The following ANKRD17 variants were observed in gnomAD, a reference collection of about 807,000 sequenced individuals.
ANKRD17 encodes the protein ankyrin repeat domain 17, also known as ankyrin repeat domain-containing protein 17.
ANKRD17 carries 19 observed loss-of-function variants against 229.7 expected under a neutral mutation model. The observed-to-expected ratio is 0.08, with a 90% CI of 0.06 to 0.12. The LOEUF (loss-of-function observed/expected upper bound fraction) is 0.12, where lower values mean the gene tolerates loss of function less well. ANKRD17 is among the 10% of genes least tolerant of loss of function. The probability of loss-of-function intolerance (pLI) is 1.00; values close to 1 mark genes in which losing one functional copy is unlikely to be tolerated. For missense variants in ANKRD17, 2,176 were observed against 3,176.8 expected (o/e 0.68, Z 7.57); for synonymous variants, 1,112 against 1,146.1 (o/e 0.97, Z 0.60).
intron 3 of ANKRD17, among the ~76,000 whole-genome samples, chr4:73,160,319 A>G (rs1173234171): frequency 6.7e-6 from 1 of 148,686 alleles, no homozygotes. Context: ...CCCAGGTTCA[A>G]GCGATTCTCC....
At chr4:73,112,601 G>T in intron 24 of ANKRD17, 1 of 510,322 alleles carries the variant, frequency 2.0e-6, no homozygotes, top group Non-Finnish European at 2.5e-6. Flanking sequence ...ATTTAAATTA[G>T]AATAAAGTAC....
intron 22 of ANKRD17, among the ~76,000 whole-genome samples, chr4:73,117,852 C>G (rs547144672): frequency 6.6e-6 from 1 of 152,284 alleles, no homozygotes; most frequent in East Asian, 1.9e-4. Flanking sequence ...TACTTACACA[C>G]AGCTCTGTGC....
intron 16 of ANKRD17, among the ~76,000 whole-genome samples, chr4:73,127,964 G>A (rs1369776834): frequency 6.6e-6 from 1 of 152,228 alleles, no homozygotes; most frequent in Non-Finnish European, 1.5e-5. Flanking sequence ...GACGGCAAAA[G>A]CTGCTCTGCA....
intron 1 of ANKRD17, among the ~76,000 whole-genome samples, chr4:73,178,409 T>A (rs904258383): frequency 6.6e-6 from 1 of 152,176 alleles, no homozygotes; most frequent in African/African-American, 2.4e-5. Flanking sequence ...GAACATGCAT[T>A]CAAAAGGGGA....
intron 1 of ANKRD17, among the ~76,000 whole-genome samples, chr4:73,204,358 C>CAAAAAA (rs374000000): frequency 4.6e-3 from 267 of 57,676 alleles, no homozygotes; most frequent in Non-Finnish European, 6.0e-3. Flanking sequence ...GAGACTCCGT[C>CAAAAAA]AAAAAAAAAA....
intron 1 of ANKRD17, among the ~76,000 whole-genome samples, chr4:73,245,287 CA>C (rs1560782483): frequency 1.3e-5 from 2 of 152,174 alleles, no homozygotes; most frequent in Non-Finnish European, 2.9e-5. Flanking sequence ...ATTATTCAGT[CA>C]AATGCTAATC....
At chr4:73,205,877 C>T (rs1313180116) in intron 1 of ANKRD17, among the ~76,000 whole-genome samples, 1 of 152,032 alleles carries the variant, frequency 6.6e-6, no homozygotes, top group African/African-American at 2.4e-5. Flanking sequence ...ACATAAAAAT[C>T]TTAGTGGCAA....
chr4:73,099,156 T>C (rs1164089261), intron 25 of ANKRD17: 2 of 682,472 alleles, frequency 2.9e-6, no homozygotes, highest in Non-Finnish European at 5.5e-6. Context: ...CCGTGTGTGC[T>C]GCCTGTGCCT....
chr4:73,100,223 A>C (rs1723802701), intron 25 of ANKRD17, among the ~76,000 whole-genome samples: 1 of 151,598 alleles, frequency 6.6e-6, no homozygotes, highest in Non-Finnish European at 1.5e-5. Flanking sequence ...CCCCTAAGAT[A>C]CTCTTTGTGG....
intron 30 of ANKRD17, among the ~76,000 whole-genome samples, chr4:73,079,402 G>GT (rs1461640765): frequency 1.3e-5 from 2 of 151,954 alleles, no homozygotes; most frequent in African/African-American, 2.4e-5. Flanking sequence ...TTTTATTTAT[G>GT]TATTTTTGGA....
At chr4:73,125,381 C>T in intron 16 of ANKRD17, 69 bp from the exon 17 acceptor site, 1 of 1,052,500 alleles carries the variant, frequency 9.5e-7, no homozygotes, top group Non-Finnish European at 1.4e-6. Context: ...ACATAATATG[C>T]AAACATATCA....
chr4:73,167,079 T>C (rs1486518893), intron 2 of ANKRD17, among the ~76,000 whole-genome samples: 1 of 152,144 alleles, frequency 6.6e-6, no homozygotes, highest in Non-Finnish European at 1.5e-5. Flanking sequence ...TATGAAATGG[T>C]ATGGTGCTTA....
chr4:73,107,981 T>C (rs1325746747), intron 24 of ANKRD17, among the ~76,000 whole-genome samples: 2 of 152,134 alleles, frequency 1.3e-5, no homozygotes, highest in African/African-American at 4.8e-5. Flanking sequence ...GTTTGAACCA[T>C]GGTGAGAAGT....
chr4:73,159,527 C>G (rs1732218736), intron 3 of ANKRD17, among the ~76,000 whole-genome samples: 1 of 152,186 alleles, frequency 6.6e-6, no homozygotes, highest in South Asian at 2.1e-4. Context: ...ACTCACTGCA[C>G]TTAAGTCCAC....
At chr4:73,159,640 T>C (rs1263318637) in intron 3 of ANKRD17, among the ~76,000 whole-genome samples, 1 of 152,262 alleles carries the variant, frequency 6.6e-6, no homozygotes, top group Admixed American at 6.5e-5. Context: ...ATTTGTGACT[T>C]TATTTTTCTA....
At chr4:73,243,851 G>C (rs1351708476) in intron 1 of ANKRD17, among the ~76,000 whole-genome samples, 1 of 152,140 alleles carries the variant, frequency 6.6e-6, no homozygotes, top group African/African-American at 2.4e-5. Flanking sequence ...TTCCTCAAAA[G>C]GAAGTTACCT....
At chr4:73,119,810 G>C (rs1452603362) in intron 21 of ANKRD17, among the ~76,000 whole-genome samples, 1 of 152,202 alleles carries the variant, frequency 6.6e-6, no homozygotes, top group East Asian at 1.9e-4. Context: ...TGAAGAACAA[G>C]AAAATGGACA....
chr4:73,231,499 T>C (rs952024650), intron 1 of ANKRD17, among the ~76,000 whole-genome samples: 4 of 152,208 alleles, frequency 2.6e-5, no homozygotes, highest in Non-Finnish European at 5.9e-5. Context: ...ATGGTTTGCC[T>C]GCAAGCAATT....
intron 30 of ANKRD17, among the ~76,000 whole-genome samples, chr4:73,082,953 G>C (rs557587114): frequency 6.6e-6 from 1 of 152,208 alleles, no homozygotes; most frequent in Admixed American, 6.5e-5. Context: ...TTGTTGAAGG[G>C]AACATTCTTA....
Sources: gnomAD v4.1 joint callset for allele counts (sites outside exome capture counted in the v4.1 genomes callset) on GRCh38, gnomAD v4.1.1 for gene constraint, MANE v1.5 for transcripts, NCBI Gene and HGNC (gene_info 2026-07-23, HGNC 2026-07-21) for gene names.